The following TMEM26 variants were observed in gnomAD, a reference collection of about 807,000 sequenced individuals.
TMEM26 encodes the protein transmembrane protein 26.
Under a neutral mutation model 28.8 loss-of-function variants are expected in TMEM26, and 38 were observed. That is an observed-to-expected ratio of 1.32 (90% CI 1.02 to 1.73). The LOEUF is 1.73. Among genes scored for constraint, TMEM26 ranks in the 40% most tolerant of loss-of-function variants. The pLI, the probability that TMEM26 is intolerant of heterozygous loss-of-function variation, is 0.00. For missense variants in TMEM26, 518 were observed against 447.1 expected, an observed-to-expected ratio of 1.16 and a Z score of -1.43; for synonymous variants, 227 against 182.9, an observed-to-expected ratio of 1.24 and a Z score of -1.95.
chr10:61,447,733 C>T (rs1216019520), intron 1 of TMEM26, among the ~76,000 whole-genome samples: 1 of 152,048 alleles, frequency 6.6e-6, no homozygotes, highest in Admixed American at 6.5e-5. Context: ...GACGATTGCC[C>T]CTTTTGTTAT....
chr10:61,428,994 A>G lies in TMEM26; in HGVS notation c.537T>C (p.Leu179=), dbSNP rs369729710. The change falls in exon 4 of 6, where the codon CTT becomes CTC. Residue 179 remains leucine (L), a synonymous_variant. Coordinates refer to ENST00000399298, the MANE Select transcript of TMEM26 (RefSeq NM_178505.8). ...ITRDQLSQLL[L]MFVGTAADIL... ...TGTCAGCCGCTGTCCCCACAAACAT[A>G]AGAAGAAGTTGAGAGAGTTGATCTC... is the stretch of plus-strand genomic sequence containing the variant. 44 of 1,613,294 alleles carry G rather than the reference A, an allele frequency of 2.7e-5. No homozygotes were observed. In the African/African-American group the frequency reaches 4.9e-4, roughly 18 times the overall value.
At chr10:61,432,423 A>G (rs868457025) in intron 2 of TMEM26, among the ~76,000 whole-genome samples, 1 of 152,122 alleles carries the variant, frequency 6.6e-6, no homozygotes, top group Non-Finnish European at 1.5e-5. Context: ...GATGCTGGGA[A>G]TCCGAGGTAA....
chr10:61,433,426 A>G (rs1839954409), intron 2 of TMEM26, among the ~76,000 whole-genome samples: 1 of 152,104 alleles, frequency 6.6e-6, no homozygotes, highest in Non-Finnish European at 1.5e-5. Context: ...TTTTAAAAAA[A>G]GGCTGTGTCT....
chr10:61,440,591 C>A (rs990984896), intron 1 of TMEM26, among the ~76,000 whole-genome samples: 1 of 151,734 alleles, frequency 6.6e-6, no homozygotes, highest in African/African-American at 2.4e-5. Flanking sequence ...TAGAAATACC[C>A]CCTCTCTCTT....
At chr10:61,425,581 T>A (rs969244304) in intron 4 of TMEM26, among the ~76,000 whole-genome samples, 10 of 152,170 alleles carry the variant, frequency 6.6e-5, no homozygotes, top group African/African-American at 2.4e-4. Context: ...TATAAAGAAT[T>A]CTTACAACTC....
intron 2 of TMEM26, among the ~76,000 whole-genome samples, chr10:61,432,068 T>C (rs1329179180): frequency 6.6e-6 from 1 of 152,092 alleles, no homozygotes; most frequent in Non-Finnish European, 1.5e-5. Flanking sequence ...ATTTTGCTAT[T>C]TTTATGGCTG....
chr10:61,434,176 A>G (rs535332341), intron 2 of TMEM26, among the ~76,000 whole-genome samples: 2 of 152,064 alleles, frequency 1.3e-5, no homozygotes, highest in Non-Finnish European at 2.9e-5. Flanking sequence ...TTCTACTTTC[A>G]TTTCTGCTCA....
chr10:61,430,843 C>T (rs1381029750), intron 3 of TMEM26, among the ~76,000 whole-genome samples: 2 of 151,862 alleles, frequency 1.3e-5, no homozygotes, highest in Non-Finnish European at 2.9e-5. Context: ...GTACCTTCCT[C>T]CCAATTTTTG....
At chr10:61,449,998 C>CA (rs1226894637) in intron 1 of TMEM26, among the ~76,000 whole-genome samples, 1 of 152,070 alleles carries the variant, frequency 6.6e-6, no homozygotes. Context: ...TTAATGTCAG[C>CA]AAAATAGCCT....
At chr10:61,429,249 G>T (rs566294475) in intron 3 of TMEM26, 103 bp from the exon 4 acceptor site, 1 of 895,518 alleles carries the variant, frequency 1.1e-6, no homozygotes, top group Non-Finnish European at 1.7e-6. Context: ...TTTGTAGAGA[G>T]TAATTTTCAG....
chr10:61,421,510 CATATGGA>C (rs1278812232), intron 4 of TMEM26, among the ~76,000 whole-genome samples: 5 of 152,000 alleles, frequency 3.3e-5, no homozygotes, highest in African/African-American at 9.7e-5. Context: ...AAGATGAGGT[CATATGGA>C]TTAGGGTGGG....
chr10:61,447,349 T>C (rs1005732919), intron 1 of TMEM26, among the ~76,000 whole-genome samples: 1 of 152,236 alleles, frequency 6.6e-6, no homozygotes, highest in East Asian at 1.9e-4. Context: ...TTAAAACTTA[T>C]ACATCAAGAT....
At chr10:61,449,539 C>G (rs1389554001) in intron 1 of TMEM26, among the ~76,000 whole-genome samples, 1 of 152,156 alleles carries the variant, frequency 6.6e-6, no homozygotes, top group Non-Finnish European at 1.5e-5. Context: ...CTCTATAGCT[C>G]TATTTATTGT....
At chr10:61,451,436 C>A (rs1840278404) in intron 1 of TMEM26, among the ~76,000 whole-genome samples, 1 of 152,186 alleles carries the variant, frequency 6.6e-6, no homozygotes, top group South Asian at 2.1e-4. Flanking sequence ...CAGACTTCAT[C>A]TTTCTGTGAC....
chr10:61,438,042 A>AT (rs1292511312), intron 1 of TMEM26, among the ~76,000 whole-genome samples: 3 of 152,230 alleles, frequency 2.0e-5, no homozygotes, highest in African/African-American at 4.8e-5. Context: ...ATTTAGAATG[A>AT]TTTTTTTAAA....
intron 4 of TMEM26, among the ~76,000 whole-genome samples, chr10:61,416,774 G>A (rs1839659351): frequency 6.6e-6 from 1 of 151,966 alleles, no homozygotes; most frequent in African/African-American, 2.4e-5. Flanking sequence ...TGTAGCAGTA[G>A]TAATTTTACT....
intron 3 of TMEM26, among the ~76,000 whole-genome samples, chr10:61,430,539 A>G (rs1839903930): frequency 6.7e-6 from 1 of 149,468 alleles, no homozygotes; most frequent in African/African-American, 2.4e-5. Flanking sequence ...CAGTTGACAT[A>G]ATTGTCTAGG....
intron 1 of TMEM26, among the ~76,000 whole-genome samples, chr10:61,445,704 T>C (rs1237750825): frequency 6.6e-6 from 1 of 152,154 alleles, no homozygotes; most frequent in Non-Finnish European, 1.5e-5. Flanking sequence ...GGAAAGAAAC[T>C]TATTTTTAAC....
At position 61,428,304 on chromosome 10, in the gene TMEM26, T is replaced by C. The variant is rs138413791; in HGVS notation, c.605+622A>G. ...GATCATGGATTCTGAGTTTATTTGC[T>C]TGTGGCAAAAATAAAAGTACCAACT... On this transcript the variant is annotated intron_variant, in intron 4 of 5. Transcript: ENST00000399298. Among the ~76,000 whole-genome samples, 31 of 152,238 alleles carry C rather than the reference T, an allele frequency of 2.0e-4. No individual in the cohort carries two copies. The East Asian group carries it at 3.5e-3, about 17-fold the overall frequency.
Sources: allele counts gnomAD v4.1 joint callset (sites outside exome capture counted in the v4.1 genomes callset), GRCh38; gene constraint gnomAD v4.1.1; transcripts MANE v1.5; gene names NCBI Gene and HGNC (gene_info 2026-07-23, HGNC 2026-07-21).